The following TNFSF4 variants were observed in gnomAD, a reference collection of about 807,000 sequenced individuals.
TNFSF4 encodes tumor necrosis factor ligand superfamily member 4.
A neutral mutation model predicts 7.3 loss-of-function variants in TNFSF4; 4 were observed. The ratio of observed to expected loss-of-function variants is 0.55; its 90% CI spans 0.27 to 1.25. The LOEUF is 1.25. Ranked by LOEUF, TNFSF4 falls within the 50% of genes most tolerant of loss-of-function variation. The pLI, the probability that TNFSF4 is intolerant of heterozygous loss-of-function variation, is 0.12. For synonymous variants in TNFSF4, 76 were observed against 83.7 expected (o/e 0.91, Z 0.50); for missense variants, 181 against 208.8 (o/e 0.87, Z 0.82).
the TNFSF4 span, among the ~76,000 whole-genome samples, chr1:173,386,888 C>A: frequency 1.3e-5 from 2 of 152,274 alleles, no homozygotes; most frequent in Admixed American, 6.5e-5. Flanking sequence ...TTATTTGGGA[C>A]CTATTACTCC....
chr1:173,450,362 G>T, the TNFSF4 span, among the ~76,000 whole-genome samples: 6 of 152,156 alleles, frequency 3.9e-5, no homozygotes, highest in African/African-American at 1.4e-4. Context: ...CATTGTGGAA[G>T]AAATAATAAT....
the TNFSF4 span, among the ~76,000 whole-genome samples, chr1:173,375,875 G>A: frequency 2.0e-5 from 3 of 152,056 alleles, no homozygotes; most frequent in South Asian, 2.1e-4. Flanking sequence ...CTTTGGGTCC[G>A]TGCCATCTTT....
chr1:173,198,067 C>T lies in TNFSF4; in HGVS notation c.153+8957G>A, dbSNP rs767873494. ...AAATTGGCCCATTCATCCTTGAATA[C>T]AAAGACAGTAGCAGAATTACTGCAG... On this transcript the variant is annotated intron_variant, in intron 1 of 2. Coordinates refer to ENST00000281834, the MANE Select transcript of TNFSF4 (RefSeq NM_003326.5). Among the ~76,000 whole-genome samples the T allele has an allele frequency of 2.2e-4, 33 of 152,130 alleles. 1 individual carries two copies. The highest frequency in any genetic ancestry group is 4.0e-4 in the Non-Finnish European group (27 of 68,018).
chr1:173,373,550 T>C, the TNFSF4 span, among the ~76,000 whole-genome samples: 1 of 152,136 alleles, frequency 6.6e-6, no homozygotes, highest in African/African-American at 2.4e-5. Context: ...TTCACACGGG[T>C]ATAGAGAACA....
At chr1:173,426,109 A>G in the TNFSF4 span, among the ~76,000 whole-genome samples, 2 of 152,226 alleles carry the variant, frequency 1.3e-5, no homozygotes, top group Admixed American at 6.5e-5. Flanking sequence ...AACCTGAAAC[A>G]AAGTTCGTCT....
chr1:173,230,293 C>T, the TNFSF4 span, among the ~76,000 whole-genome samples: 1 of 152,226 alleles, frequency 6.6e-6, no homozygotes, highest in Non-Finnish European at 1.5e-5. Flanking sequence ...AACAGCTCAA[C>T]TACATGTAAA....
chr1:173,361,907 G>A, the TNFSF4 span, among the ~76,000 whole-genome samples: 1 of 152,194 alleles, frequency 6.6e-6, no homozygotes. Flanking sequence ...CTAGTGCCTA[G>A]GTAGCCATGA....
intron 1 of TNFSF4, among the ~76,000 whole-genome samples, chr1:173,198,706 A>G (rs1649813079): frequency 6.6e-6 from 1 of 152,114 alleles, no homozygotes; most frequent in South Asian, 2.1e-4. Context: ...CCTATGACAC[A>G]CAGTTTACCT....
At chr1:173,195,588 T>C (rs1649665041) in intron 1 of TNFSF4, among the ~76,000 whole-genome samples, 1 of 152,226 alleles carries the variant, frequency 6.6e-6, no homozygotes, top group Non-Finnish European at 1.5e-5. Context: ...AAGTGACACT[T>C]GTTTCAAGAG....
chr1:173,432,188 T>A, the TNFSF4 span, among the ~76,000 whole-genome samples: 6 of 152,126 alleles, frequency 3.9e-5, no homozygotes, highest in Non-Finnish European at 8.8e-5. Context: ...TGCTCCCCAG[T>A]GAGGAATCCA....
At chr1:173,442,549 T>TA in the TNFSF4 span, among the ~76,000 whole-genome samples, 1 of 128,580 alleles carries the variant, frequency 7.8e-6, no homozygotes, top group Non-Finnish European at 1.6e-5. Flanking sequence ...GTTTTTGTTT[T>TA]TGTTTTTTTT....
At chr1:173,412,905 A>T in the TNFSF4 span, among the ~76,000 whole-genome samples, 5 of 152,178 alleles carry the variant, frequency 3.3e-5, no homozygotes, top group Middle Eastern at 3.2e-3. Flanking sequence ...GCAACAGATA[A>T]GTTTGAGTTC....
chr1:173,262,228 A>C, the TNFSF4 span, among the ~76,000 whole-genome samples: 1 of 152,204 alleles, frequency 6.6e-6, no homozygotes, highest in Non-Finnish European at 1.5e-5. Flanking sequence ...AATGACAAAA[A>C]CCACATGATT....
At chr1:173,241,951 C>T in the TNFSF4 span, among the ~76,000 whole-genome samples, 1 of 152,150 alleles carries the variant, frequency 6.6e-6, no homozygotes, top group African/African-American at 2.4e-5. Flanking sequence ...TGACATCTGA[C>T]AAGAGTAGGG....
the TNFSF4 span, among the ~76,000 whole-genome samples, chr1:173,335,429 T>A: frequency 2.0e-5 from 3 of 152,082 alleles, no homozygotes; most frequent in Non-Finnish European, 2.9e-5. Flanking sequence ...TAGCCCCCAC[T>A]GGATTAGGAT....
the TNFSF4 span, among the ~76,000 whole-genome samples, chr1:173,300,099 G>GTAGATAGATAGATAGA: frequency 5.4e-5 from 8 of 147,746 alleles, no homozygotes; most frequent in Non-Finnish European, 7.5e-5. Context: ...AAAATAGATG[G>GTAGATAGATAGATAGA]TAGATAGATA....
the TNFSF4 span, among the ~76,000 whole-genome samples, chr1:173,395,038 GATA>G: frequency 4.6e-5 from 1 of 21,732 alleles, no homozygotes; most frequent in Non-Finnish European, 8.4e-5. Context: ...ATAGATAGAT[GATA>G]GATAGATAGA....
chr1:173,179,039 C>T (rs888947091), downstream of TNFSF4, among the ~76,000 whole-genome samples: 2 of 152,186 alleles, frequency 1.3e-5, no homozygotes, highest in African/African-American at 4.8e-5. Flanking sequence ...CCGAGAGTCT[C>T]AAAAAGGAAC....
chr1:173,249,006 GAGTAGCC>G, the TNFSF4 span, among the ~76,000 whole-genome samples: 1 of 152,218 alleles, frequency 6.6e-6, no homozygotes, highest in Admixed American at 6.5e-5. Context: ...AAAGATGAAT[GAGTAGCC>G]AACTAAAGGA....
Sources: allele counts gnomAD v4.1 joint callset (sites outside exome capture counted in the v4.1 genomes callset), GRCh38; gene constraint gnomAD v4.1.1; transcripts MANE v1.5; gene names NCBI Gene and HGNC (gene_info 2026-07-23, HGNC 2026-07-21).